The following FCN2 variants were observed in gnomAD, a reference collection of about 807,000 sequenced individuals.
The protein encoded by FCN2 is ficolin-2.
FCN2 carries 31 observed loss-of-function variants against 32.5 expected under a neutral mutation model. The ratio of observed to expected loss-of-function variants is 0.96; its 90% CI spans 0.72 to 1.29. FCN2 has a LOEUF of 1.29. FCN2 is among the 50% of genes most tolerant of loss of function. The pLI is 0.00. For missense variants in FCN2, 412 were observed against 406.5 expected (o/e 1.01, Z -0.12); for synonymous variants, 181 against 164.5 (o/e 1.10, Z -0.77).
Position 134,885,248 on chromosome 9 carries a change from C to T in FCN2, c.311C>T (p.Thr104Ile), listed in dbSNP as rs375070619. Reference protein sequence around the residue: ...EPQPCLTGPRTCKDLLDRGHF... With the variant: ...EPQPCLTGPRICKDLLDRGHF... ...CGGGTTCCCTTCCCAGGCCCGCGTA[C>T]CTGCAAGGACCTGCTAGACCGAGGG... Residue 104 changes from threonine to isoleucine, a missense_variant, in exon 5 of 8, where the codon ACC (threonine) becomes ATC (isoleucine). Transcript: ENST00000291744. 6.2e-7 allele frequency: 1 copy of T among 1,613,980 alleles called. No homozygotes were observed. The highest frequency in any genetic ancestry group is 1.3e-5 in the African/African-American group (1 of 74,924).
chr9:134,881,102 G>GAACAAAA (rs2132996393), intron 1 of FCN2, among the ~76,000 whole-genome samples, 181 bp downstream of exon 1: 1 of 152,342 alleles, frequency 6.6e-6, no homozygotes, highest in Non-Finnish European at 1.5e-5. Flanking sequence ...GAATGGATGT[G>GAACAAAA]GCATCTCAGA....
the FCN2 span, among the ~76,000 whole-genome samples, chr9:134,869,907 T>C: frequency 3.3e-5 from 5 of 150,820 alleles, no homozygotes; most frequent in Admixed American, 1.3e-4. Context: ...CAAGCACCCA[T>C]AGCCAGCATA....
At chr9:134,881,031 A>G (rs1296035444) in intron 1 of FCN2, 110 bp downstream of exon 1, 4 of 787,540 alleles carry the variant, frequency 5.1e-6, no homozygotes, top group Non-Finnish European at 8.8e-6. Flanking sequence ...CGTGTGGAGC[A>G]TCGTCTAACG....
At chr9:134,885,482 G>A (rs1209274596) in intron 5 of FCN2, 116 bp downstream of exon 5, 2 of 1,490,540 alleles carry the variant, frequency 1.3e-6, no homozygotes, top group South Asian at 1.3e-5. Flanking sequence ...GACAGTCAGA[G>A]ATGATGGGGG....
the FCN2 span, among the ~76,000 whole-genome samples, chr9:134,867,979 C>A: frequency 6.6e-6 from 1 of 152,232 alleles, no homozygotes; most frequent in South Asian, 2.1e-4. Flanking sequence ...TGGCCACAAC[C>A]TTGTTACTAT....
upstream of FCN2, among the ~76,000 whole-genome samples, chr9:134,876,904 G>GA (rs1332170363): frequency 6.6e-6 from 1 of 152,156 alleles, no homozygotes; most frequent in Non-Finnish European, 1.5e-5. Context: ...GAGTGACTTT[G>GA]GTGGTTCAAA....
At chr9:134,883,477 G>A (rs1588643667) in intron 3 of FCN2, 122 bp downstream of exon 3, 1 of 890,668 alleles carries the variant, frequency 1.1e-6, no homozygotes, top group Non-Finnish European at 1.9e-6. Context: ...GCCTGCCCAG[G>A]CAGGGCTCTT....
At chr9:134,864,935 C>T in the FCN2 span, among the ~76,000 whole-genome samples, 3 of 152,214 alleles carry the variant, frequency 2.0e-5, no homozygotes, top group Admixed American at 6.5e-5. Context: ...GCAGCAGGGC[C>T]GTCTCCCCGG....
chr9:134,885,724 G>A (rs563889241), intron 5 of FCN2, 44 bp from the exon 6 acceptor site: 34 of 1,613,420 alleles, frequency 2.1e-5, no homozygotes, highest in East Asian at 1.6e-4. Flanking sequence ...GCTGTGGGAC[G>A]TCGGCCTGGC....
At chr9:134,878,239 TG>T (rs763417760), upstream of FCN2, among the ~76,000 whole-genome samples, 38 of 152,306 alleles carry the variant, frequency 2.5e-4, no homozygotes, top group Admixed American at 7.2e-4. Flanking sequence ...GTTCTGTCCC[TG>T]ATTAATACAG....
At chr9:134,870,620 A>G in the FCN2 span, among the ~76,000 whole-genome samples, 1 of 152,084 alleles carries the variant, frequency 6.6e-6, no homozygotes, top group Non-Finnish European at 1.5e-5. This position sits in a 1 kb window ranked among gnomAD's most constrained non-coding sequence, Gnocchi z 4.3. Flanking sequence ...CCCTGCCCTG[A>G]GCACAGAGCC....
the FCN2 span, among the ~76,000 whole-genome samples, chr9:134,867,364 A>G: frequency 1.3e-5 from 2 of 151,822 alleles, no homozygotes; most frequent in African/African-American, 4.8e-5. Context: ...ATTGGAAATC[A>G]TCATTCTCAG....
At chr9:134,886,132 C>G (rs1830751421) in intron 6 of FCN2, among the ~76,000 whole-genome samples, 1 of 152,168 alleles carries the variant, frequency 6.6e-6, no homozygotes, top group Non-Finnish European at 1.5e-5. Flanking sequence ...GTCTTGGCCC[C>G]ACTGGCATCT....
chr9:134,874,376 T>G, the FCN2 span, among the ~76,000 whole-genome samples: 2 of 152,346 alleles, frequency 1.3e-5, no homozygotes, highest in Middle Eastern at 6.8e-3. Context: ...CTATGATCTA[T>G]TTCAAATTCA....
chr9:134,871,166 T>C, the FCN2 span, among the ~76,000 whole-genome samples: 1 of 152,206 alleles, frequency 6.6e-6, no homozygotes, highest in African/African-American at 2.4e-5. Context: ...TTCTACAATT[T>C]ACTCAACGTG....
intron 2 of FCN2, among the ~76,000 whole-genome samples, chr9:134,882,933 A>C (rs1236603761): frequency 2.0e-5 from 3 of 152,048 alleles, no homozygotes; most frequent in South Asian, 2.1e-4. Flanking sequence ...GTGTCCCTCC[A>C]CCTTCCCACC....
chr9:134,883,979 T>TGGGGG (rs11445130), intron 3 of FCN2, among the ~76,000 whole-genome samples: 1 of 112,008 alleles, frequency 8.9e-6, no homozygotes, highest in Non-Finnish European at 1.9e-5. Context: ...CTTGAGAGGG[T>TGGGGG]GGGGGGGGAT....
rs114736855 is a variant in FCN2 at position 134,881,627 on chromosome 9, T to C, written c.100+706T>C. 4.1e-3 allele frequency among the ~76,000 whole-genome samples: 627 copies of C among 152,214 alleles called. 1 individual carries two copies. The highest frequency in any genetic ancestry group is 0.014 in the African/African-American group (600 of 41,538). On this transcript the variant is annotated intron_variant, in intron 1 of 7. Coordinates refer to ENST00000291744, the MANE Select transcript of FCN2 (RefSeq NM_004108.3). ...GTGATGCTCCTGATGCTTGCAGAGA[T>C]TCGTGTCAGGATTTCTGGAATGCAT... is the stretch of plus-strand genomic sequence containing the variant.
At chr9:134,871,103 C>T in the FCN2 span, among the ~76,000 whole-genome samples, 7 of 152,270 alleles carry the variant, frequency 4.6e-5, no homozygotes, top group East Asian at 3.9e-4. Context: ...GTTGATTGAG[C>T]GCTACGAAAG....
Sources: gnomAD v4.1 joint callset for allele counts (sites outside exome capture counted in the v4.1 genomes callset) on GRCh38, gnomAD v4.1.1 for gene constraint, Gnocchi (gnomAD v3.1) non-coding constraint, MANE v1.5 for transcripts, NCBI Gene and HGNC (gene_info 2026-07-23, HGNC 2026-07-21) for gene names.